Variants in KCNMB2 observed in about 807,000 individuals in gnomAD.
KCNMB2 encodes calcium-activated potassium channel subunit beta-2.
Under a neutral mutation model 24.5 loss-of-function variants are expected in KCNMB2, and 9 were observed. That is an observed-to-expected ratio of 0.37 (90% CI 0.22 to 0.64). The LOEUF (loss-of-function observed/expected upper bound fraction) is 0.64. KCNMB2 is among the 30% of genes least tolerant of loss of function. The pLI, the probability that KCNMB2 is intolerant of heterozygous loss-of-function variation, is 0.63. For missense variants in KCNMB2, 226 were observed against 284.3 expected, an observed-to-expected ratio of 0.79 and a Z score of 1.47; for synonymous variants, 109 against 104.4, an observed-to-expected ratio of 1.04 and a Z score of -0.27.
intron 4 of KCNMB2, among the ~76,000 whole-genome samples, chr3:178,830,227 C>T (rs1275952467): frequency 6.6e-6 from 1 of 152,068 alleles, no homozygotes; most frequent in Non-Finnish European, 1.5e-5. Flanking sequence ...GAATACTTTC[C>T]TTTCTGTCTG....
chr3:178,615,808 T>C (rs1680482087), intron 1 of KCNMB2, among the ~76,000 whole-genome samples: 1 of 152,200 alleles, frequency 6.6e-6, no homozygotes, highest in Admixed American at 6.5e-5. Flanking sequence ...TCTCAGAGGC[T>C]TACCCAAGGG....
chr3:178,750,165 T>A (rs932834048), intron 1 of KCNMB2, among the ~76,000 whole-genome samples: 2 of 151,614 alleles, frequency 1.3e-5, no homozygotes, highest in African/African-American at 2.4e-5. Context: ...ATTAAAATAA[T>A]CCACTTACTC....
intron 1 of KCNMB2, among the ~76,000 whole-genome samples, chr3:178,745,470 T>C (rs1001824223): frequency 6.6e-6 from 1 of 152,134 alleles, no homozygotes; most frequent in Non-Finnish European, 1.5e-5. Context: ...CAAGATGAAA[T>C]TTGGGTGCAG....
At chr3:178,658,078 C>T (rs1720405366) in intron 1 of KCNMB2, among the ~76,000 whole-genome samples, 1 of 152,150 alleles carries the variant, frequency 6.6e-6, no homozygotes, top group African/African-American at 2.4e-5. Flanking sequence ...CCTATTTTGC[C>T]ATTACTTCTG....
chr3:178,615,508 C>T (rs1347500453), intron 1 of KCNMB2, among the ~76,000 whole-genome samples: 2 of 152,218 alleles, frequency 1.3e-5, no homozygotes, highest in Non-Finnish European at 1.5e-5. Flanking sequence ...TCCTACTCTT[C>T]CCTCCCCTTT....
intron 2 of KCNMB2, among the ~76,000 whole-genome samples, chr3:178,809,923 T>C (rs745710585): frequency 2.6e-5 from 4 of 152,196 alleles, no homozygotes; most frequent in Non-Finnish European, 5.9e-5. Context: ...ATTAAATAAG[T>C]CTGCATGGCC....
At chr3:178,831,302 T>G (rs1001755768) in intron 4 of KCNMB2, among the ~76,000 whole-genome samples, 6 of 152,134 alleles carry the variant, frequency 3.9e-5, no homozygotes, top group African/African-American at 1.4e-4. Context: ...GGAACGCCTA[T>G]CCACTTTTGG....
chr3:178,708,348 A>C (rs1722345334), intron 1 of KCNMB2, among the ~76,000 whole-genome samples: 2 of 152,136 alleles, frequency 1.3e-5, no homozygotes, highest in Non-Finnish European at 1.5e-5. Flanking sequence ...GCTTTCATGG[A>C]GCACTAGCTC....
intron 1 of KCNMB2, among the ~76,000 whole-genome samples, chr3:178,637,785 T>C (rs1719582258): frequency 6.6e-6 from 1 of 152,174 alleles, no homozygotes; most frequent in African/African-American, 2.4e-5. Context: ...GGTAGTTATT[T>C]TCTGTCTCTG....
chr3:178,828,842 G>A (rs1199817988), intron 4 of KCNMB2, among the ~76,000 whole-genome samples: 2 of 151,784 alleles, frequency 1.3e-5, no homozygotes. Context: ...AGTAACAAAT[G>A]GCCACCTTGC....
intron 1 of KCNMB2, among the ~76,000 whole-genome samples, chr3:178,790,060 T>A (rs893882553): frequency 6.6e-6 from 1 of 151,622 alleles, no homozygotes; most frequent in African/African-American, 2.4e-5. Flanking sequence ...GGAACTTGGA[T>A]ACCAGCCCAA....
intron 1 of KCNMB2, among the ~76,000 whole-genome samples, chr3:178,700,970 G>A (rs928791564): frequency 7.9e-5 from 12 of 152,182 alleles, no homozygotes; most frequent in African/African-American, 2.4e-4. Context: ...ATTAGATCCC[G>A]TTTGTCAATT....
chr3:178,636,076 T>C (rs1406989544), intron 1 of KCNMB2, among the ~76,000 whole-genome samples: 1 of 152,238 alleles, frequency 6.6e-6, no homozygotes, highest in Non-Finnish European at 1.5e-5. Context: ...TATAACATAA[T>C]TTATTGTTTG....
chr3:178,595,019 G>A (rs540457268), intron 1 of KCNMB2, among the ~76,000 whole-genome samples: 71 of 131,382 alleles, frequency 5.4e-4, no homozygotes, highest in African/African-American at 1.9e-3. Context: ...AATTACTAAC[G>A]TCTTATTATT....
chr3:178,618,856 GT>G (rs1462635556), intron 1 of KCNMB2, among the ~76,000 whole-genome samples: 1 of 152,168 alleles, frequency 6.6e-6, no homozygotes, highest in Non-Finnish European at 1.5e-5. Context: ...TATGTTCTAT[GT>G]GCCAAGCCCA....
intron 1 of KCNMB2, among the ~76,000 whole-genome samples, chr3:178,685,581 G>A (rs1020778400): frequency 7.2e-5 from 11 of 152,146 alleles, no homozygotes; most frequent in African/African-American, 2.7e-4. Flanking sequence ...TTTAGGAATT[G>A]ATACTTAATA....
chr3:178,671,892 C>T (rs1417873598), intron 1 of KCNMB2, among the ~76,000 whole-genome samples: 1 of 152,166 alleles, frequency 6.6e-6, no homozygotes, highest in African/African-American at 2.4e-5. Flanking sequence ...CTTTTCAGTT[C>T]GTTGGGTAAC....
chr3:178,624,580 T>A (rs1719036307), intron 1 of KCNMB2, among the ~76,000 whole-genome samples: 1 of 86,706 alleles, frequency 1.2e-5, no homozygotes, highest in South Asian at 4.0e-4. Flanking sequence ...TAGCTTTCTA[T>A]TTTTTCTTTT....
intron 1 of KCNMB2, among the ~76,000 whole-genome samples, chr3:178,700,098 CTG>C (rs1577108069): frequency 1.3e-5 from 2 of 152,210 alleles, no homozygotes; most frequent in East Asian, 3.8e-4. Flanking sequence ...ACCAAGATGA[CTG>C]AGAGTTCTTG....
Sources: gnomAD v4.1 joint callset for allele counts (sites outside exome capture counted in the v4.1 genomes callset) on GRCh38, gnomAD v4.1.1 for gene constraint, MANE v1.5 for transcripts, NCBI Gene and HGNC (gene_info 2026-07-23, HGNC 2026-07-21) for gene names.